PRPF38A: variants seen among roughly 807,000 people sequenced by gnomAD.
The protein encoded by PRPF38A is pre-mRNA-splicing factor 38A.
PRPF38A carries 11 observed loss-of-function variants against 46.8 expected under a neutral mutation model. The observed-to-expected ratio is 0.24, with a 90% CI of 0.15 to 0.39. The LOEUF (loss-of-function observed/expected upper bound fraction) is 0.39. PRPF38A is among the 10% of genes least tolerant of loss of function. The probability of loss-of-function intolerance (pLI) is 1.00; values close to 1 mark genes in which losing one functional copy is unlikely to be tolerated. For synonymous variants in PRPF38A, 124 were observed against 136.2 expected (o/e 0.91, Z 0.62); for missense variants, 261 against 407.5 (o/e 0.64, Z 3.10).
At chr1:52,414,910 AAGG>A (rs1195671859) in intron 8 of PRPF38A, 51 bp downstream of exon 8, 2 of 1,565,600 alleles carry the variant, frequency 1.3e-6, no homozygotes, top group Non-Finnish European at 1.8e-6. Flanking sequence ...AGAAATGTAA[AAGG>A]AGTAGTTAGC....
intron 9 of PRPF38A, 48 bp downstream of exon 9, chr1:52,415,434 CAACT>C (rs749681137): frequency 6.6e-7 from 1 of 1,508,354 alleles, no homozygotes; most frequent in Non-Finnish European, 9.2e-7. Flanking sequence ...GTCCAAATTA[CAACT>C]AACTGGACCT....
At chr1:52,416,598 C>T (rs745357790) in intron 9 of PRPF38A, 50 bp from the exon 10 acceptor site, 7 of 1,469,638 alleles carry the variant, frequency 4.8e-6, no homozygotes, top group South Asian at 3.4e-5. Context: ...CGTGAGCCAC[C>T]GTGCCTGGCT....
intron 3 of PRPF38A, among the ~76,000 whole-genome samples, chr1:52,410,527 A>G (rs1648119274): frequency 6.8e-6 from 1 of 147,828 alleles, no homozygotes; most frequent in South Asian, 2.1e-4. Context: ...TTTGAGATGG[A>G]GTCTCACTCT....
intron 5 of PRPF38A, among the ~76,000 whole-genome samples, 200 bp from the exon 6 acceptor site, chr1:52,413,679 T>C (rs370677010): frequency 6.6e-6 from 1 of 152,154 alleles, no homozygotes; most frequent in Admixed American, 6.6e-5. Flanking sequence ...CTATGAGTCA[T>C]TTTGGCTGTC....
chr1:52,411,161 C>G lies in PRPF38A; in HGVS notation c.459C>G (p.His153Gln). 1 of 1,613,816 alleles carries G rather than the reference C, an allele frequency of 6.2e-7. No individual in the cohort carries two copies. The highest frequency in any genetic ancestry group is 8.5e-7 in the Non-Finnish European group (1 of 1,179,796). Residue 153 changes from histidine (H) to glutamine (Q), a missense_variant, in exon 4 of 10, where the codon CAC (histidine) becomes CAG (glutamine). Coordinates refer to ENST00000257181, the MANE Select transcript of PRPF38A (RefSeq NM_032864.4). Reference sequence around the variant, plus strand: ...ATGAGTTTATTGATGAACTATTGCACAGTGAGAGAGTCTGTGATATCATTC... The same window carrying G: ...ATGAGTTTATTGATGAACTATTGCAGAGTGAGAGAGTCTGTGATATCATTC... ...HVDEFIDELLHSERVCDIILP... is the reference protein window; with the variant it reads ...HVDEFIDELLQSERVCDIILP...
chr1:52,407,945 A>T (rs550980138), intron 2 of PRPF38A, among the ~76,000 whole-genome samples: 1 of 152,366 alleles, frequency 6.6e-6, no homozygotes, highest in East Asian at 1.9e-4. Flanking sequence ...AATCCCAGCT[A>T]CTTGGGAGGC....
At chr1:52,409,187 C>T (rs1431892354) in intron 3 of PRPF38A, 1 of 153,850 alleles carries the variant, frequency 6.5e-6, no homozygotes, top group Non-Finnish European at 1.4e-5. Flanking sequence ...ATACCTTCTA[C>T]AAGGAGATTA....
chr1:52,407,007 G>A (rs892156241), intron 2 of PRPF38A, among the ~76,000 whole-genome samples: 1 of 152,118 alleles, frequency 6.6e-6, no homozygotes, highest in African/African-American at 2.4e-5. Context: ...ATAGGAAAAA[G>A]GGAAGAGGAA....
intron 8 of PRPF38A, 84 bp downstream of exon 8, chr1:52,414,943 C>G: frequency 8.1e-7 from 1 of 1,230,900 alleles, no homozygotes; most frequent in Non-Finnish European, 1.2e-6. Flanking sequence ...TACAGGAGTG[C>G]CTGACTGTAC....
intron 3 of PRPF38A, 122 bp from the exon 4 acceptor site, chr1:52,410,993 A>T: frequency 1.5e-6 from 1 of 647,000 alleles, no homozygotes; most frequent in Non-Finnish European, 2.7e-6. Context: ...TTCATCCCTT[A>T]ATCTCTTCTA....
At chr1:52,407,001 GA>G (rs1648014227) in intron 2 of PRPF38A, among the ~76,000 whole-genome samples, 1 of 152,190 alleles carries the variant, frequency 6.6e-6, no homozygotes, top group South Asian at 2.1e-4. Context: ...TTAGATATAG[GA>G]AAAAGGGAAG....
At position 52,416,761 on chromosome 1, in the gene PRPF38A, G is replaced by T. The variant is rs1423133121; in HGVS notation, c.*71G>T. 2 of 1,132,190 alleles carry T rather than the reference G, an allele frequency of 1.8e-6. No homozygotes were observed. Among genetic ancestry groups the T allele is most frequent in the Admixed American group, 1.7e-5 (1 of 58,970 alleles). 70.1% of individuals were successfully genotyped at this position (1,132,190 alleles called of 1,614,324 possible). A position where few individuals can be genotyped will look rare whatever the true frequency, so the allele number is the denominator to read the frequency against. ...GGATATCTGTATGTGGAAGGATTAA[G>T]ATCTCCCCCAGGCAGCTATAAGAAT... On this transcript the variant is annotated 3_prime_UTR_variant, in exon 10 of 10. Coordinates refer to ENST00000257181, the MANE Select transcript of PRPF38A (RefSeq NM_032864.4).
chr1:52,411,045 A>C, intron 3 of PRPF38A, 70 bp from the exon 4 acceptor site: 1 of 1,112,654 alleles, frequency 9.0e-7, no homozygotes, highest in African/African-American at 1.5e-5. Context: ...AAGTCTTAAC[A>C]CTTCTTTTAC....
chr1:52,413,566 G>T lies in PRPF38A; in HGVS notation c.610-313G>T, dbSNP rs576945887. ...ACGTGCCAGCATACCTGGCTAATTTGTGTATTTTTTTTGTAGAGATGGGAT... is the reference window on the plus strand; with the variant it reads ...ACGTGCCAGCATACCTGGCTAATTTTTGTATTTTTTTTGTAGAGATGGGAT... On this transcript the variant is annotated intron_variant, in intron 5 of 9. Transcript: ENST00000257181. 6.6e-5 allele frequency among the ~76,000 whole-genome samples: 10 copies of T among 152,132 alleles called. No individual in the cohort carries two copies. The South Asian group carries it at 1.4e-3, about 22-fold the overall frequency.
At position 52,420,379 on chromosome 1, in the gene PRPF38A, G is replaced by C. The variant is rs1187869948; in HGVS notation, c.*3689G>C. 1.3e-5 allele frequency: 2 copies of C among 152,052 alleles called. No homozygotes were observed. The highest frequency in any genetic ancestry group is 2.9e-5 in the Non-Finnish European group (2 of 68,008). 9.4% of individuals were successfully genotyped at this position (152,052 alleles called of 1,614,324 possible). The stretch of plus-strand genomic sequence containing the variant: ...CAATGATTATAAAGTCAAATATTAT[G>C]AACACTGTCTATATAGAAATAACAA... On this transcript the variant is annotated 3_prime_UTR_variant, in exon 10 of 10. Coordinates refer to ENST00000257181, the MANE Select transcript of PRPF38A (RefSeq NM_032864.4).
At chr1:52,408,716 T>C in intron 3 of PRPF38A, 26 bp downstream of exon 3, 1 of 1,609,972 alleles carries the variant, frequency 6.2e-7, no homozygotes, top group Non-Finnish European at 8.5e-7. Flanking sequence ...AGTCTCCTGA[T>C]TGTCATTTTT....
chr1:52,415,422 T>C (rs1371896796), intron 9 of PRPF38A, 36 bp downstream of exon 9: 3 of 1,566,888 alleles, frequency 1.9e-6, no homozygotes, highest in Non-Finnish European at 2.6e-6. Context: ...TTTACAGAAA[T>C]AGTCCAAATT....
chr1:52,411,167 G>T lies in PRPF38A; in HGVS notation c.465G>T (p.Glu155Asp). 1 of 1,613,712 alleles carries T rather than the reference G, an allele frequency of 6.2e-7. No homozygotes were observed. Among genetic ancestry groups the T allele is most frequent in the Non-Finnish European group, 8.5e-7 (1 of 1,179,712 alleles). ...TTATTGATGAACTATTGCACAGTGA[G>T]AGAGTCTGTGATATCATTCTGCCCC... ...DEFIDELLHS[E>D]RVCDIILPRL... The change falls in exon 4 of 10, where the codon GAG (glutamate) becomes GAT (aspartate). Residue 155 changes from glutamate to aspartate, a missense_variant. Physicochemically the swap from Glu to Asp is conservative, Grantham distance 45. Transcript: ENST00000257181.
At position 52,417,256 on chromosome 1, in the gene PRPF38A, C is replaced by A. The variant is rs1648319225; in HGVS notation, c.*566C>A. 6.4e-6 allele frequency: 1 copy of A among 156,220 alleles called. No individual in the cohort carries two copies. Among genetic ancestry groups the A allele is most frequent in the African/African-American group, 2.4e-5 (1 of 41,452 alleles). The allele number at this position is 156,220 out of a possible 1,614,324, so 9.7% of individuals were successfully genotyped here. A position where few individuals can be genotyped will look rare whatever the true frequency, so the allele number is the denominator to read the frequency against. ...GATCATTAAAGCCAGTTTCATCAAA[C>A]AGTTCAACAGAGAGCAGCACTTAAT... On this transcript the variant is annotated 3_prime_UTR_variant, in exon 10 of 10. Transcript: ENST00000257181.
Sources: allele counts gnomAD v4.1 joint callset (sites outside exome capture counted in the v4.1 genomes callset), GRCh38; gene constraint gnomAD v4.1.1; transcripts MANE v1.5; gene names NCBI Gene and HGNC (gene_info 2026-07-23, HGNC 2026-07-21).